Variants in CDC45 observed in about 807,000 individuals in gnomAD.
CDC45 encodes cell division control protein 45 homolog.
CDC45 carries 54 observed loss-of-function variants against 77.8 expected under a neutral mutation model. That is an observed-to-expected ratio of 0.69 (90% CI 0.56 to 0.87). CDC45 has a LOEUF of 0.87. Among genes scored for constraint, CDC45 ranks in the 40% least tolerant of loss-of-function variants. The pLI is 0.00. For missense variants in CDC45, 649 were observed against 721.6 expected (o/e 0.90, Z 1.15); for synonymous variants, 260 against 272.1 (o/e 0.96, Z 0.44).
chr22:19,505,458 C>T lies in CDC45; in HGVS notation c.801C>T (p.Cys267=). 6.2e-7 allele frequency: 1 copy of T among 1,613,818 alleles called. No homozygotes were observed. Among genetic ancestry groups the T allele is most frequent in the Non-Finnish European group, 8.5e-7 (1 of 1,179,686 alleles). Residue 267 remains cysteine (C), a synonymous_variant, in exon 10 of 19, where the codon TGC becomes TGT. Coordinates refer to ENST00000263201, the MANE Select transcript of CDC45 (RefSeq NM_003504.5). ...EDEENTLSVD[C]TRISFEYDLR... Reference sequence around the variant, plus strand: ...AGGAGAACACACTCTCCGTGGACTGCACACGGATCTCCTTTGAGTATGAGT... The same window carrying T: ...AGGAGAACACACTCTCCGTGGACTGTACACGGATCTCCTTTGAGTATGAGT...
rs763865040 is a variant in CDC45 at position 19,514,908 on chromosome 22, C to T, written c.1356+21C>T. The T allele has an allele frequency of 4.3e-6, 7 of 1,614,134 alleles. No homozygotes were observed. In the South Asian group the frequency reaches 4.4e-5, roughly 10 times the overall value. ...TGGAGGTCAGGCTTCCCACAGAGCA[C>T]AGGCGCCTGGTCACAGCACCAGTGG... On this transcript the variant is annotated intron_variant, in intron 14 of 18. Transcript: ENST00000263201.
intron 5 of CDC45, among the ~76,000 whole-genome samples, chr22:19,487,888 G>A (rs1005111812): frequency 1.6e-5 from 2 of 127,920 alleles, no homozygotes; most frequent in African/African-American, 5.9e-5. Flanking sequence ...TCCAGCCTGG[G>A]CAACAGAGCA....
At chr22:19,493,946 A>G (rs756428850) in intron 5 of CDC45, among the ~76,000 whole-genome samples, 1 of 152,222 alleles carries the variant, frequency 6.6e-6, no homozygotes, top group Non-Finnish European at 1.5e-5. Flanking sequence ...ATGGTAGAAT[A>G]TAAGAAATGT....
intron 9 of CDC45, among the ~76,000 whole-genome samples, chr22:19,504,355 A>G (rs1488608137): frequency 6.6e-6 from 1 of 152,158 alleles, no homozygotes; most frequent in Non-Finnish European, 1.5e-5. Flanking sequence ...GCTGCAGTGC[A>G]ATGGCGCTGT....
chr22:19,487,327 G>A (rs1157075965), intron 5 of CDC45, among the ~76,000 whole-genome samples: 1 of 147,736 alleles, frequency 6.8e-6, no homozygotes, highest in African/African-American at 2.5e-5. Flanking sequence ...ATTTATACCA[G>A]ACTGGACAAC....
Position 19,514,842 on chromosome 22 carries a change from C to A in CDC45, c.1311C>A (p.Asn437Lys). 2 of 1,614,226 alleles carry A rather than the reference C, an allele frequency of 1.2e-6. No homozygotes were observed. Among genetic ancestry groups the A allele is most frequent in the Non-Finnish European group, 1.7e-6 (2 of 1,180,040 alleles). ...QQTIASCLCT[N>K]LVISQGPFLY... ...CCATTGCCAGCTGCCTTTGCACCAA[C>A]CTCGTCATCTCCCAGGGGCCTTTCC... is the stretch of plus-strand genomic sequence containing the variant. The change falls in exon 14 of 19, where the codon AAC becomes AAA. Residue 437 changes from asparagine to lysine, a missense_variant. Asn to Lys is a moderately conservative substitution (Grantham distance 94). Transcript: ENST00000263201.
intron 12 of CDC45, 113 bp from the exon 13 acceptor site, chr22:19,508,417 G>T: frequency 1.8e-6 from 2 of 1,098,952 alleles, no homozygotes; most frequent in Admixed American, 1.8e-5. Context: ...GCATGGCTGT[G>T]CTGGAAGCAT....
chr22:19,496,380 C>T (rs1309988877), intron 7 of CDC45, among the ~76,000 whole-genome samples: 3 of 152,194 alleles, frequency 2.0e-5, no homozygotes, highest in African/African-American at 7.2e-5. Context: ...TATAATGGCC[C>T]ATCAGTGTGT....
At chr22:19,510,025 G>C (rs1384431441) in intron 13 of CDC45, among the ~76,000 whole-genome samples, 1 of 152,154 alleles carries the variant, frequency 6.6e-6, no homozygotes, top group Non-Finnish European at 1.5e-5. Flanking sequence ...GCAATGGCAT[G>C]ATCATAGCTC....
intron 13 of CDC45, among the ~76,000 whole-genome samples, chr22:19,511,310 G>T (rs2146426980): frequency 6.7e-6 from 1 of 148,572 alleles, no homozygotes; most frequent in South Asian, 2.1e-4. Flanking sequence ...TAGGAGAATT[G>T]TCTATTCAAG....
intron 5 of CDC45, among the ~76,000 whole-genome samples, chr22:19,492,075 G>T (rs9606035): frequency 0.04 from 6,021 of 152,164 alleles, 213 homozygotes; most frequent in South Asian, 0.13. Context: ...CAAAGTGTTG[G>T]GATTATAGGT....
intron 15 of CDC45, among the ~76,000 whole-genome samples, chr22:19,515,850 A>C (rs1018855129): frequency 6.6e-6 from 1 of 152,218 alleles, no homozygotes; most frequent in African/African-American, 2.4e-5. Context: ...CCCACTTTAC[A>C]GGATCCATTC....
At chr22:19,483,652 T>C (rs2090019617) in intron 4 of CDC45, among the ~76,000 whole-genome samples, 1 of 152,224 alleles carries the variant, frequency 6.6e-6, no homozygotes, top group Admixed American at 6.5e-5. Context: ...AATTTCTGCA[T>C]ACCACGTATG....
intron 9 of CDC45, chr22:19,505,111 C>T: frequency 1.9e-6 from 1 of 513,598 alleles, no homozygotes; most frequent in Non-Finnish European, 3.5e-6. Flanking sequence ...TGCCCATTCT[C>T]AGGAGGTGTG....
chr22:19,494,314 G>A lies in CDC45; in HGVS notation c.487-13G>A. ...ATTTGCTCCACCTTTTGTTCTCTTT[G>A]TCCCTGTATCAGGAGATAGTGGAGC... On this transcript the variant is annotated splice_polypyrimidine_tract_variant and intron_variant, in intron 5 of 18. Coordinates refer to ENST00000263201, the MANE Select transcript of CDC45 (RefSeq NM_003504.5). 1 of 1,611,846 alleles carries A rather than the reference G, an allele frequency of 6.2e-7. No individual in the cohort carries two copies. The highest frequency in any genetic ancestry group is 8.5e-7 in the Non-Finnish European group (1 of 1,179,580).
At chr22:19,514,712 C>T (rs199869360) in intron 13 of CDC45, 37 bp from the exon 14 acceptor site, 1 of 1,538,382 alleles carries the variant, frequency 6.5e-7, no homozygotes, top group Non-Finnish European at 8.8e-7. Flanking sequence ...GAGTTCCTGA[C>T]AAGCACCACC....
In CDC45 at chr22:19,516,832, GT is replaced by G; in HGVS notation, c.1578del (p.Phe526LeufsTer21). 1 of 1,613,994 alleles carries G rather than the reference GT, an allele frequency of 6.2e-7. No individual in the cohort carries two copies. Among genetic ancestry groups the G allele is most frequent in the Non-Finnish European group, 8.5e-7 (1 of 1,179,922 alleles). ...SDRKNFFGRA[F>X]EKAAESTSSR... ...GTGTCAGCAGCTTTTTTGGGAGGGC[GT>G]TTGAGAAGGCAGCGGAAAGCACCAG... On this transcript the variant is annotated frameshift_variant, in exon 17 of 19. Coordinates refer to ENST00000263201, the MANE Select transcript of CDC45 (RefSeq NM_003504.5). LOFTEE classifies it high-confidence loss of function.
At chr22:19,516,783 C>T (rs925526222) in intron 16 of CDC45, 34 bp from the exon 17 acceptor site, 13 of 1,600,356 alleles carry the variant, frequency 8.1e-6, no homozygotes, top group South Asian at 2.2e-5. Flanking sequence ...CATTGCAGGC[C>T]GCCTGGCCCC....
chr22:19,513,807 A>G (rs1933638591), intron 13 of CDC45, among the ~76,000 whole-genome samples: 1 of 152,162 alleles, frequency 6.6e-6, no homozygotes, highest in Non-Finnish European at 1.5e-5. Flanking sequence ...CCCCACAGAA[A>G]ACATCCGTGT....
Sources: allele counts gnomAD v4.1 joint callset (sites outside exome capture counted in the v4.1 genomes callset), GRCh38; gene constraint gnomAD v4.1.1; transcripts MANE v1.5; gene names NCBI Gene and HGNC (gene_info 2026-07-23, HGNC 2026-07-21).